RBMS3: variants seen among roughly 807,000 people sequenced by gnomAD.
The protein encoded by RBMS3 is RNA binding motif single stranded interacting protein 3, also known as RNA-binding motif, single-stranded-interacting protein 3.
A neutral mutation model predicts 66.8 loss-of-function variants in RBMS3; 27 were observed. The ratio of observed to expected loss-of-function variants is 0.40; its 90% CI spans 0.30 to 0.56. The LOEUF is 0.56. Among genes scored for constraint, RBMS3 ranks in the 20% least tolerant of loss-of-function variants. The pLI is 0.40. For missense variants in RBMS3, 513 were observed against 549.5 expected (o/e 0.93, Z 0.66); for synonymous variants, 188 against 183.0 (o/e 1.03, Z -0.22).
intron 1 of RBMS3, among the ~76,000 whole-genome samples, chr3:29,306,869 A>C (rs2034049124): frequency 1.3e-5 from 2 of 151,704 alleles, no homozygotes. Flanking sequence ...CCTATAACTA[A>C]GTCTTCTGAT....
Position 29,488,477 on chromosome 3 carries a change from C to T in RBMS3, c.285C>T (p.Asp95=), listed in dbSNP as rs377313058. The part of the protein sequence containing the change: ...GKIVSTKAIL[D]KNTNQCKGYG... Reference sequence around the variant, plus strand: ...TTGTATCTACAAAGGCAATTCTTGACAAAAACACAAATCAGTGCAAAGGTA... The same window carrying T: ...TTGTATCTACAAAGGCAATTCTTGATAAAAACACAAATCAGTGCAAAGGTA... The change falls in exon 3 of 15, where the codon GAC becomes GAT. Residue 95 remains aspartate (D), a synonymous_variant. Transcript: ENST00000383767. 8.1e-6 allele frequency: 13 copies of T among 1,611,912 alleles called. No homozygotes were observed. Among genetic ancestry groups the T allele is most frequent in the Non-Finnish European group, 1.1e-5 (13 of 1,178,282 alleles).
chr3:29,866,848 G>A (rs923243557), intron 6 of RBMS3, among the ~76,000 whole-genome samples: 4 of 152,190 alleles, frequency 2.6e-5, no homozygotes, highest in Non-Finnish European at 2.9e-5. Flanking sequence ...AGTCACTGAA[G>A]TCAGAGGCTC....
At chr3:29,329,819 T>C (rs894709001) in intron 1 of RBMS3, among the ~76,000 whole-genome samples, 9 of 148,322 alleles carry the variant, frequency 6.1e-5, no homozygotes, top group African/African-American at 1.7e-4. Context: ...ATATATTATA[T>C]GTATATTTTA....
chr3:29,880,702 C>A, intron 7 of RBMS3: 1 of 1,347,218 alleles, frequency 7.4e-7, no homozygotes, highest in Non-Finnish European at 1.0e-6. Flanking sequence ...TTTGCTTAAC[C>A]CATGCCATGT....
At chr3:29,581,266 A>G (rs2047319744) in intron 3 of RBMS3, among the ~76,000 whole-genome samples, 1 of 152,234 alleles carries the variant, frequency 6.6e-6, no homozygotes, top group South Asian at 2.1e-4. Flanking sequence ...AAAAGTTGCA[A>G]TAAATATATC....
intron 12 of RBMS3, 77 bp from the exon 13 acceptor site, chr3:29,988,066 G>A: frequency 8.4e-7 from 1 of 1,195,888 alleles, no homozygotes; most frequent in South Asian, 1.2e-5. Context: ...AGCTAAAGCA[G>A]TCTCCTGTGG....
intron 6 of RBMS3, among the ~76,000 whole-genome samples, chr3:29,841,725 C>T (rs2058667876): frequency 6.6e-6 from 1 of 151,978 alleles, no homozygotes; most frequent in African/African-American, 2.4e-5. Context: ...TCTTTTGAGA[C>T]TATTCTGTGG....
rs556949275 is a variant in RBMS3 at position 29,363,812 on chromosome 3, A to C, written c.76-70931A>C. Among the ~76,000 whole-genome samples, 706 of 149,482 alleles carry C rather than the reference A, an allele frequency of 4.7e-3. 7 individuals are homozygous for C. The highest frequency in any genetic ancestry group is 0.015 in the African/African-American group (622 of 40,842). ...CTCAAAAACAATTAAAAAAAAAAAAAAAACCTGTTTTTTAGCAACAGTTAA... is the reference window on the plus strand; with the variant it reads ...CTCAAAAACAATTAAAAAAAAAAAACAAACCTGTTTTTTAGCAACAGTTAA... On this transcript the variant is annotated intron_variant, in intron 1 of 14. Coordinates refer to ENST00000383767, the MANE Select transcript of RBMS3 (RefSeq NM_001003793.3).
At chr3:29,612,711 G>A (rs1412118812) in intron 4 of RBMS3, among the ~76,000 whole-genome samples, 2 of 152,008 alleles carry the variant, frequency 1.3e-5, no homozygotes, top group African/African-American at 4.8e-5. Flanking sequence ...AGATAGAAGA[G>A]GCCACTATGG....
At chr3:29,505,897 A>T (rs1273129425) in intron 3 of RBMS3, among the ~76,000 whole-genome samples, 1 of 151,530 alleles carries the variant, frequency 6.6e-6, no homozygotes, top group Non-Finnish European at 1.5e-5. Context: ...TGTACTTAAC[A>T]TATATTACTA....
chr3:29,471,162 A>G (rs1438157923), intron 2 of RBMS3, among the ~76,000 whole-genome samples: 2 of 152,194 alleles, frequency 1.3e-5, no homozygotes, highest in African/African-American at 4.8e-5. Context: ...AACATAGCAT[A>G]TCTGTGTGTG....
intron 2 of RBMS3, among the ~76,000 whole-genome samples, chr3:29,465,330 G>A (rs892534817): frequency 2.6e-5 from 4 of 152,044 alleles, no homozygotes; most frequent in African/African-American, 9.7e-5. Flanking sequence ...TAGTAGTTAG[G>A]CAATACATTT....
intron 1 of RBMS3, among the ~76,000 whole-genome samples, chr3:29,318,153 C>T (rs776735758): frequency 1.3e-5 from 2 of 151,838 alleles, no homozygotes; most frequent in Non-Finnish European, 2.9e-5. Context: ...TTAGAAAAAG[C>T]AGGCATTTGT....
chr3:29,561,601 C>T lies in RBMS3; in HGVS notation c.308-25513C>T, dbSNP rs751667999. Among the ~76,000 whole-genome samples, 88 of 152,082 alleles carry T rather than the reference C, an allele frequency of 5.8e-4. 1 individual carries two copies. The highest frequency in any genetic ancestry group is 3.4e-4 in the Non-Finnish European group (23 of 67,998). On this transcript the variant is annotated intron_variant, in intron 3 of 14. Coordinates refer to ENST00000383767, the MANE Select transcript of RBMS3 (RefSeq NM_001003793.3). Reference sequence around the variant, plus strand: ...CTGAGTAGCTGGGATTACAGGCACACGCCACCACACCCAGCTAATTTTTGT... The same window carrying T: ...CTGAGTAGCTGGGATTACAGGCACATGCCACCACACCCAGCTAATTTTTGT...
At chr3:29,329,046 G>A (rs1249265047) in intron 1 of RBMS3, among the ~76,000 whole-genome samples, 2 of 152,114 alleles carry the variant, frequency 1.3e-5, no homozygotes, top group South Asian at 2.1e-4. Context: ...ATTTAAATCA[G>A]TATTGTTTCT....
At chr3:29,318,912 C>T (rs1305167059) in intron 1 of RBMS3, among the ~76,000 whole-genome samples, 4 of 151,694 alleles carry the variant, frequency 2.6e-5, no homozygotes, top group Admixed American at 2.6e-4. Context: ...GGGAAAATAC[C>T]CTAGAGGAAA....
chr3:29,825,443 A>T (rs1209578243), intron 6 of RBMS3, among the ~76,000 whole-genome samples: 4 of 152,014 alleles, frequency 2.6e-5, no homozygotes, highest in Non-Finnish European at 5.9e-5. Flanking sequence ...CCTAATCCCC[A>T]TGTGTTGTGG....
At chr3:29,979,972 A>G (rs1697870357) in intron 12 of RBMS3, among the ~76,000 whole-genome samples, 1 of 152,162 alleles carries the variant, frequency 6.6e-6, no homozygotes, top group Non-Finnish European at 1.5e-5. Flanking sequence ...TGCTGGGTCA[A>G]ATTGTATTTC....
chr3:29,965,702 C>T (rs537265385), intron 12 of RBMS3, among the ~76,000 whole-genome samples: 1 of 151,980 alleles, frequency 6.6e-6, no homozygotes, highest in East Asian at 1.9e-4. Flanking sequence ...GCTGACTGTT[C>T]CTTTTTCTGT....
Sources: allele counts gnomAD v4.1 joint callset (sites outside exome capture counted in the v4.1 genomes callset), GRCh38; gene constraint gnomAD v4.1.1; transcripts MANE v1.5; gene names NCBI Gene and HGNC (gene_info 2026-07-23, HGNC 2026-07-21).